Variants in SUGCT observed in about 807,000 individuals in gnomAD.
SUGCT encodes the protein succinyl-CoA:glutarate-CoA transferase.
A neutral mutation model predicts 55.0 loss-of-function variants in SUGCT; 41 were observed. That is an observed-to-expected ratio of 0.74 (90% CI 0.58 to 0.97). The LOEUF is 0.97. SUGCT is among the 50% of genes least tolerant of loss of function. The pLI, the probability that SUGCT is intolerant of heterozygous loss-of-function variation, is 0.00. For missense variants in SUGCT, 568 were observed against 547.8 expected (o/e 1.04, Z -0.37); for synonymous variants, 187 against 200.4 (o/e 0.93, Z 0.56).
the SUGCT span, among the ~76,000 whole-genome samples, chr7:40,897,381 C>A: frequency 3.3e-3 from 498 of 151,868 alleles, 26 homozygotes; most frequent in South Asian, 0.1. Flanking sequence ...ATGTTGCACA[C>A]TTTAAATATA....
chr7:40,442,112 A>C (rs1788547857), intron 9 of SUGCT, among the ~76,000 whole-genome samples: 5 of 152,118 alleles, frequency 3.3e-5, no homozygotes, highest in Admixed American at 3.3e-4. Flanking sequence ...TGACTTCTGA[A>C]ATAGTAAATC....
At chr7:40,616,598 C>T (rs1048865117) in intron 12 of SUGCT, among the ~76,000 whole-genome samples, 2 of 152,248 alleles carry the variant, frequency 1.3e-5, no homozygotes, top group African/African-American at 4.8e-5. Context: ...TCCTCAGAGA[C>T]AAAGCAAACT....
intron 13 of SUGCT, among the ~76,000 whole-genome samples, chr7:40,809,782 C>T (rs911241708): frequency 4.6e-5 from 7 of 152,090 alleles, no homozygotes; most frequent in African/African-American, 1.7e-4. Context: ...GTCAACCTCC[C>T]TACCCTCTCT....
intron 9 of SUGCT, among the ~76,000 whole-genome samples, chr7:40,395,808 T>A (rs1039391693): frequency 6.6e-6 from 1 of 152,184 alleles, no homozygotes; most frequent in Non-Finnish European, 1.5e-5. Flanking sequence ...CTTTTGGTTC[T>A]AGAAATCCAA....
At chr7:40,653,853 A>C (rs1292334458) in intron 12 of SUGCT, among the ~76,000 whole-genome samples, 2 of 152,248 alleles carry the variant, frequency 1.3e-5, no homozygotes, top group Admixed American at 1.3e-4. Flanking sequence ...AGCTAAATTT[A>C]GTTTCTGTGG....
Position 40,730,916 on chromosome 7 carries a change from A to G in SUGCT, c.1090-18518A>G, listed in dbSNP as rs140545349. On this transcript the variant is annotated intron_variant, in intron 12 of 13. Coordinates refer to ENST00000335693, the MANE Select transcript of SUGCT (RefSeq NM_001193313.2). ...TATTCAATTGTATACACACATACCA[A>G]TGGACACCTAATATTGATTCCATAT... is the stretch of plus-strand genomic sequence containing the variant. 2.1e-3 allele frequency among the ~76,000 whole-genome samples: 323 copies of G among 152,322 alleles called. 3 individuals are homozygous for G. The highest frequency in any genetic ancestry group is 7.5e-3 in the African/African-American group (312 of 41,582).
chr7:40,435,687 T>A (rs917194602), intron 9 of SUGCT, among the ~76,000 whole-genome samples: 2 of 152,110 alleles, frequency 1.3e-5, no homozygotes, highest in African/African-American at 4.8e-5. Flanking sequence ...TTTGCCTATA[T>A]TCTCTGAGTT....
intron 13 of SUGCT, among the ~76,000 whole-genome samples, chr7:40,832,583 T>C (rs1028663228): frequency 2.0e-5 from 3 of 150,442 alleles, no homozygotes; most frequent in Non-Finnish European, 4.4e-5. Context: ...TTCCCGGATG[T>C]GAGCACTCCT....
rs193157659 is a variant in SUGCT at position 40,670,814 on chromosome 7, A to G, written c.1090-78620A>G. On this transcript the variant is annotated intron_variant, in intron 12 of 13. Coordinates refer to ENST00000335693, the MANE Select transcript of SUGCT (RefSeq NM_001193313.2). The stretch of plus-strand genomic sequence containing the variant: ...CCCCAAAAGAAACCTTCAAGCCCAG[A>G]TGATTGCAAGGGAACATTTTACCAA... Among the ~76,000 whole-genome samples the G allele has an allele frequency of 3.8e-3, 581 of 152,278 alleles. 4 individuals are homozygous for G. Among genetic ancestry groups the G allele is most frequent in the African/African-American group, 0.013 (548 of 41,564 alleles).
At chr7:40,308,267 A>G in intron 8 of SUGCT, among the ~76,000 whole-genome samples, 1 of 152,134 alleles carries the variant, frequency 6.6e-6, no homozygotes, top group East Asian at 1.9e-4. Flanking sequence ...CTGAACAGAG[A>G]GGAGTTAGTG....
intron 12 of SUGCT, among the ~76,000 whole-genome samples, chr7:40,500,310 G>A (rs1452588891): frequency 6.6e-6 from 1 of 152,070 alleles, no homozygotes; most frequent in African/African-American, 2.4e-5. Flanking sequence ...AATATATCAG[G>A]TGTAAGACAT....
At chr7:40,377,390 G>T (rs13308665) in intron 9 of SUGCT, among the ~76,000 whole-genome samples, 1 of 150,650 alleles carries the variant, frequency 6.6e-6, no homozygotes, top group East Asian at 2.0e-4. Flanking sequence ...TGACAGGCGT[G>T]AGCCACCACA....
intron 11 of SUGCT, among the ~76,000 whole-genome samples, chr7:40,491,919 G>A (rs913166988): frequency 6.6e-6 from 1 of 152,078 alleles, no homozygotes; most frequent in African/African-American, 2.4e-5. Flanking sequence ...GAACCTGGGA[G>A]GTCGAGGTTG....
intron 9 of SUGCT, among the ~76,000 whole-genome samples, chr7:40,341,518 A>G (rs923153886): frequency 2.0e-5 from 3 of 152,204 alleles, no homozygotes; most frequent in Non-Finnish European, 4.4e-5. Context: ...AAACATGTTT[A>G]TAGATAATCT....
intron 8 of SUGCT, among the ~76,000 whole-genome samples, chr7:40,295,583 A>AAACG (rs2151064665): frequency 8.2e-6 from 1 of 121,290 alleles, no homozygotes; most frequent in East Asian, 2.5e-4. Flanking sequence ...CTCCAAAAAT[A>AAACG]AACAAACAAA....
intron 9 of SUGCT, among the ~76,000 whole-genome samples, chr7:40,390,920 T>G (rs977172582): frequency 6.6e-6 from 1 of 152,220 alleles, no homozygotes; most frequent in Non-Finnish European, 1.5e-5. Context: ...AGCATGGTAC[T>G]GGTACCAAGA....
chr7:40,189,266 C>T (rs919417325), intron 4 of SUGCT, among the ~76,000 whole-genome samples: 14 of 151,938 alleles, frequency 9.2e-5, no homozygotes, highest in African/African-American at 1.9e-4. Flanking sequence ...CGCCTGAACC[C>T]GGGAGGCAGA....
chr7:40,955,939 T>G, the SUGCT span, among the ~76,000 whole-genome samples: 1 of 152,200 alleles, frequency 6.6e-6, no homozygotes, highest in Non-Finnish European at 1.5e-5. Context: ...GTTTATTGAT[T>G]TGTGTATGTT....
intron 12 of SUGCT, among the ~76,000 whole-genome samples, chr7:40,725,310 A>G (rs1786556423): frequency 6.6e-6 from 1 of 152,196 alleles, no homozygotes; most frequent in Non-Finnish European, 1.5e-5. Flanking sequence ...TTTTGAATGA[A>G]TAAATGAAAA....
Sources: allele counts gnomAD v4.1 joint callset (sites outside exome capture counted in the v4.1 genomes callset), GRCh38; gene constraint gnomAD v4.1.1; transcripts MANE v1.5; gene names NCBI Gene and HGNC (gene_info 2026-07-23, HGNC 2026-07-21).